PELI2: variants seen among roughly 807,000 people sequenced by gnomAD.
PELI2 encodes the protein pellino E3 ubiquitin protein ligase family member 2.
In PELI2, 23 loss-of-function variants were observed where a neutral mutation model predicts 42.3. That is an observed-to-expected ratio of 0.54 (90% CI 0.39 to 0.77). The LOEUF is 0.77. Among genes scored for constraint, PELI2 ranks in the 30% least tolerant of loss-of-function variants. PELI2 has a pLI of 0.00. For synonymous variants in PELI2, 245 were observed against 212.2 expected (o/e 1.15, Z -1.34); for missense variants, 463 against 553.2 (o/e 0.84, Z 1.64).
intron 1 of PELI2, among the ~76,000 whole-genome samples, chr14:56,145,350 C>G (rs1456096656): frequency 6.6e-6 from 1 of 152,214 alleles, no homozygotes. Context: ...CCACCTCCAA[C>G]ACTGGGGATT....
chr14:56,171,003 A>G (rs981298060), intron 1 of PELI2, among the ~76,000 whole-genome samples: 25 of 152,192 alleles, frequency 1.6e-4, no homozygotes, highest in African/African-American at 5.8e-4. Flanking sequence ...TATTTCTACA[A>G]ACTTACTGGC....
intron 1 of PELI2, among the ~76,000 whole-genome samples, chr14:56,151,558 T>C (rs1317630880): frequency 6.6e-6 from 1 of 152,212 alleles, no homozygotes; most frequent in African/African-American, 2.4e-5. Context: ...GTCACAGTGT[T>C]TGTTCATCCC....
intron 2 of PELI2, among the ~76,000 whole-genome samples, chr14:56,229,161 G>A (rs1405252261): frequency 6.6e-6 from 1 of 152,240 alleles, no homozygotes; most frequent in African/African-American, 2.4e-5. Flanking sequence ...CTCCACCTGT[G>A]GGGGCAGGGA....
rs1314181765 is a variant in PELI2, at chr14:56,290,400, T to C, written c.640T>C (p.Cys214Arg). 1.2e-6 allele frequency: 2 copies of C among 1,613,706 alleles called. No homozygotes were observed. Among genetic ancestry groups the C allele is most frequent in the Non-Finnish European group, 1.7e-6 (2 of 1,179,702 alleles). Residue 214 changes from cysteine (C) to arginine (R), a missense_variant, in exon 5 of 6, where the codon TGT becomes CGT. This residue lies in a region of PELI2 where 343 missense variants were observed against 378.4 expected (regional missense o/e 0.91). Coordinates refer to ENST00000267460, the MANE Select transcript of PELI2 (RefSeq NM_021255.3). ...CGGGGTCTGGCGCGAGATCTCTGTC[T>C]GTGGAGATGTGTACACCTTGCGAGA... is the stretch of plus-strand genomic sequence containing the variant. ...QPGVWREISV[C>R]GDVYTLRETR...
chr14:56,139,154 A>G (rs1026840564), intron 1 of PELI2, among the ~76,000 whole-genome samples: 5 of 152,178 alleles, frequency 3.3e-5, no homozygotes, highest in African/African-American at 1.2e-4. Flanking sequence ...TACATACCCA[A>G]TCACTTTCCT....
intron 2 of PELI2, among the ~76,000 whole-genome samples, chr14:56,215,652 A>C (rs187386613): frequency 7.1e-4 from 108 of 152,356 alleles, no homozygotes; most frequent in African/African-American, 2.1e-3. Flanking sequence ...AGCAAAACAC[A>C]TGAGTTAAGG....
chr14:56,146,938 C>T (rs1884146473), intron 1 of PELI2, among the ~76,000 whole-genome samples: 1 of 152,172 alleles, frequency 6.6e-6, no homozygotes, highest in African/African-American at 2.4e-5. Context: ...TTGTTCCCTC[C>T]TGCCAGTCTG....
intron 1 of PELI2, among the ~76,000 whole-genome samples, chr14:56,146,824 C>T (rs1036895119): frequency 1.3e-5 from 2 of 151,604 alleles, no homozygotes; most frequent in Non-Finnish European, 2.9e-5. Flanking sequence ...CTTTATATGC[C>T]ATACCTCACC....
chr14:56,140,197 T>C (rs970912164), intron 1 of PELI2, among the ~76,000 whole-genome samples: 2 of 152,136 alleles, frequency 1.3e-5, no homozygotes, highest in African/African-American at 2.4e-5. Flanking sequence ...TTTTACAGAA[T>C]TGATGCACAC....
intron 1 of PELI2, among the ~76,000 whole-genome samples, chr14:56,177,965 T>C (rs182792393): frequency 2.6e-4 from 39 of 152,350 alleles, no homozygotes; most frequent in Non-Finnish European, 4.9e-4. Flanking sequence ...TTTAAAAATA[T>C]TTCTCAAGTG....
At chr14:56,189,203 C>T (rs1200814475) in intron 2 of PELI2, among the ~76,000 whole-genome samples, 2 of 152,084 alleles carry the variant, frequency 1.3e-5, no homozygotes, top group Non-Finnish European at 2.9e-5. Flanking sequence ...TCAGTTGAGA[C>T]CAGGTTATTG....
chr14:56,216,249 A>G (rs1027764746), intron 2 of PELI2, among the ~76,000 whole-genome samples: 1 of 152,224 alleles, frequency 6.6e-6, no homozygotes, highest in Non-Finnish European at 1.5e-5. Flanking sequence ...TTCAAGGTCA[A>G]GGGGAAAATA....
intron 2 of PELI2, among the ~76,000 whole-genome samples, chr14:56,234,823 A>C (rs11158085): frequency 0.4 from 61,182 of 151,770 alleles, 13,058 homozygotes; most frequent in South Asian, 0.53. Context: ...GGAAAACTGG[A>C]AATGAAGGTG....
At chr14:56,266,996 G>T (rs1400884971) in intron 2 of PELI2, among the ~76,000 whole-genome samples, 1 of 152,000 alleles carries the variant, frequency 6.6e-6, no homozygotes, top group African/African-American at 2.4e-5. Flanking sequence ...TTTCTGATGT[G>T]TATACTGTGC....
chr14:56,139,616 A>T (rs80243169), intron 1 of PELI2, among the ~76,000 whole-genome samples: 3 of 152,144 alleles, frequency 2.0e-5, no homozygotes, highest in African/African-American at 7.2e-5. Flanking sequence ...TTTTAAAAAA[A>T]TTCTTACTGC....
intron 1 of PELI2, among the ~76,000 whole-genome samples, chr14:56,171,307 T>C (rs914395342): frequency 3.3e-5 from 5 of 152,166 alleles, no homozygotes; most frequent in African/African-American, 7.2e-5. Flanking sequence ...ATGAGTTCAA[T>C]TTCTTGCTCT....
At chr14:56,218,702 CGTGTGT>C (rs111825772) in intron 2 of PELI2, among the ~76,000 whole-genome samples, 22 of 149,792 alleles carry the variant, frequency 1.5e-4, no homozygotes, top group South Asian at 6.3e-4. Flanking sequence ...CACATGTGTG[CGTGTGT>C]GTGTGTGTGT....
intron 2 of PELI2, among the ~76,000 whole-genome samples, chr14:56,265,560 A>G (rs1888871222): frequency 6.6e-6 from 1 of 152,152 alleles, no homozygotes. Flanking sequence ...AATTTCTTAG[A>G]TATAAAACCA....
chr14:56,278,791 T>TG (rs1214884225), intron 2 of PELI2, among the ~76,000 whole-genome samples: 1 of 152,172 alleles, frequency 6.6e-6, no homozygotes. Flanking sequence ...ATTCAATAAA[T>TG]GTGTAATAGA....
Sources: gnomAD v4.1 joint callset for allele counts (sites outside exome capture counted in the v4.1 genomes callset) on GRCh38, gnomAD v4.1.1 for gene constraint, gnomAD v4.1.1 regional missense constraint, MANE v1.5 for transcripts, NCBI Gene and HGNC (gene_info 2026-07-23, HGNC 2026-07-21) for gene names.